ERBB4: variants seen among roughly 807,000 people sequenced by gnomAD.
ERBB4 encodes receptor tyrosine-protein kinase erbB-4.
ERBB4 carries 42 observed loss-of-function variants against 158.0 expected under a neutral mutation model. The ratio of observed to expected loss-of-function variants is 0.27; its 90% confidence interval spans 0.21 to 0.34. The LOEUF is 0.34. Among genes scored for constraint, ERBB4 ranks in the 10% least tolerant of loss-of-function variants. The probability of loss-of-function intolerance (pLI) is 1.00; values close to 1 mark genes in which losing one functional copy is unlikely to be tolerated. For synonymous variants in ERBB4, 583 were observed against 558.7 expected, an observed-to-expected ratio of 1.04 and a Z score of -0.61; for missense variants, 1,333 against 1,624.1, an observed-to-expected ratio of 0.82 and a Z score of 3.08.
At chr2:212,095,086 A>G (rs1407892231) in intron 2 of ERBB4, among the ~76,000 whole-genome samples, 1 of 152,166 alleles carries the variant, frequency 6.6e-6, no homozygotes, top group Non-Finnish European at 1.5e-5. Context: ...AGCACTCACA[A>G]TGCCTTACAC....
chr2:212,123,947 T>C (rs2079838822), intron 2 of ERBB4, among the ~76,000 whole-genome samples: 1 of 152,196 alleles, frequency 6.6e-6, no homozygotes, highest in Non-Finnish European at 1.5e-5. Context: ...GAAGCTATTA[T>C]TTAAAATGTA....
At chr2:212,259,492 AACAAGGAC>A (rs201259347) in intron 1 of ERBB4, among the ~76,000 whole-genome samples, 1,612 of 152,326 alleles carry the variant, frequency 0.011, 10 homozygotes, top group Non-Finnish European at 0.017. Flanking sequence ...GGTAAGAAGA[AACAAGGAC>A]ACAAGTACGG....
rs555684917 is a variant in ERBB4, at chr2:212,236,430, C to A, written c.83-111527G>T. 1.3e-4 allele frequency among the ~76,000 whole-genome samples: 20 copies of A among 152,164 alleles called. No homozygotes were observed. The East Asian group carries it at 3.9e-3, about 29-fold the overall frequency. On this transcript the variant is annotated intron_variant, in intron 1 of 27. Coordinates refer to ENST00000342788, the MANE Select transcript of ERBB4 (RefSeq NM_005235.3). Reference sequence around the variant, plus strand: ...TGGGATAGTGGCCTGAAATTTTCTTCTTTTGTGGTGTCTCTGCCAAGTTTT... The same window carrying A: ...TGGGATAGTGGCCTGAAATTTTCTTATTTTGTGGTGTCTCTGCCAAGTTTT...
intron 2 of ERBB4, among the ~76,000 whole-genome samples, chr2:212,087,939 G>A (rs2078665060): frequency 6.6e-6 from 1 of 152,104 alleles, no homozygotes. Flanking sequence ...TAGAACTGTT[G>A]TGAGAGTCAA....
At chr2:211,807,347 A>G (rs1322302282) in intron 3 of ERBB4, among the ~76,000 whole-genome samples, 3 of 152,060 alleles carry the variant, frequency 2.0e-5, no homozygotes, top group Non-Finnish European at 4.4e-5. Flanking sequence ...GCTGTGCCCA[A>G]GTGTTCTCAT....
intron 1 of ERBB4, among the ~76,000 whole-genome samples, chr2:212,177,959 A>AGTGTGTGTGT (rs5838302): frequency 2.7e-5 from 4 of 149,402 alleles, no homozygotes; most frequent in Non-Finnish European, 6.0e-5. Context: ...TGTGAGTGTG[A>AGTGTGTGTGT]GTGTGTGTGT....
chr2:211,980,219 A>T (rs1440807189), intron 2 of ERBB4, among the ~76,000 whole-genome samples: 1 of 152,208 alleles, frequency 6.6e-6, no homozygotes, highest in African/African-American at 2.4e-5. Flanking sequence ...GAATTAGTAC[A>T]AAGTGGAGTA....
chr2:212,231,841 C>T (rs1261132009), intron 1 of ERBB4, among the ~76,000 whole-genome samples: 1 of 152,092 alleles, frequency 6.6e-6, no homozygotes, highest in African/African-American at 2.4e-5. Context: ...TTCTACTAAC[C>T]TTTTTCTTCA....
At chr2:211,446,855 C>T (rs770056673) in intron 20 of ERBB4, among the ~76,000 whole-genome samples, 33 of 152,066 alleles carry the variant, frequency 2.2e-4, no homozygotes, top group South Asian at 8.3e-4. Context: ...ATTCCTTCTA[C>T]GCTTTTAGTT....
At position 211,947,604 on chromosome 2, in the gene ERBB4, C is replaced by T. The variant is rs768898089; in HGVS notation, c.247G>A (p.Val83Ile). ...DLSFLRSVREVTGYVLVALNQ... is the reference protein window; with the variant it reads ...DLSFLRSVREITGYVLVALNQ... ...AGAGCCACTAACACGTAGCCTGTGA[C>T]TTCTCGAACAGACTGAAAAGACACA... Residue 83 changes from valine (V) to isoleucine (I), a missense_variant, in exon 3 of 28, where the codon GTC (valine) becomes ATC (isoleucine). Transcript: ENST00000342788. The T allele has an allele frequency of 1.2e-6, 2 of 1,613,354 alleles. No homozygotes were observed. The highest frequency in any genetic ancestry group is 1.1e-5 in the South Asian group (1 of 91,002).
intron 19 of ERBB4, among the ~76,000 whole-genome samples, chr2:211,600,934 T>C (rs770446147): frequency 7.2e-5 from 11 of 151,930 alleles, no homozygotes; most frequent in Non-Finnish European, 1.3e-4. Flanking sequence ...AAACAAATGG[T>C]CACACACCTG....
intron 2 of ERBB4, among the ~76,000 whole-genome samples, chr2:212,095,982 T>C (rs1177435798): frequency 1.3e-5 from 2 of 148,590 alleles, no homozygotes; most frequent in South Asian, 2.2e-4. Context: ...GTAAGTTTTA[T>C]ATATAATGGG....
chr2:212,290,759 A>G (rs1168979727), intron 1 of ERBB4, among the ~76,000 whole-genome samples: 1 of 152,124 alleles, frequency 6.6e-6, no homozygotes, highest in Non-Finnish European at 1.5e-5. Flanking sequence ...AAAAGAAAAT[A>G]TGTGACATTC....
chr2:212,005,429 C>G (rs1252753451), intron 2 of ERBB4, among the ~76,000 whole-genome samples: 1 of 151,990 alleles, frequency 6.6e-6, no homozygotes, highest in Non-Finnish European at 1.5e-5. Context: ...TCCACATGGT[C>G]AAAGAAAGGA....
chr2:211,677,961 G>C (rs2105953852), intron 13 of ERBB4, among the ~76,000 whole-genome samples: 1 of 152,172 alleles, frequency 6.6e-6, no homozygotes, highest in South Asian at 2.1e-4. Context: ...CTTAGGAGCA[G>C]TACTAAAAAT....
chr2:212,066,021 G>C (rs2077937129), intron 2 of ERBB4, among the ~76,000 whole-genome samples: 1 of 151,918 alleles, frequency 6.6e-6, no homozygotes, highest in South Asian at 2.1e-4. Flanking sequence ...GCCAGAAAAA[G>C]AATCTTATTG....
At chr2:212,111,205 T>C (rs1327952321) in intron 2 of ERBB4, among the ~76,000 whole-genome samples, 35 of 152,204 alleles carry the variant, frequency 2.3e-4, no homozygotes, top group Non-Finnish European at 1.5e-5. Context: ...ACACCCTTTA[T>C]ATGCAGTTAG....
chr2:211,830,102 T>C (rs1296480993), intron 3 of ERBB4, among the ~76,000 whole-genome samples: 1 of 152,206 alleles, frequency 6.6e-6, no homozygotes, highest in Non-Finnish European at 1.5e-5. Flanking sequence ...CTGCTCTGAA[T>C]TTGTTATTCT....
At chr2:212,004,817 CAT>C (rs919531184) in intron 2 of ERBB4, among the ~76,000 whole-genome samples, 1 of 151,736 alleles carries the variant, frequency 6.6e-6, no homozygotes, top group African/African-American at 2.4e-5. Context: ...GCCTAACTTA[CAT>C]ATATATATTG....
Sources: gnomAD v4.1 joint callset for allele counts (sites outside exome capture counted in the v4.1 genomes callset) on GRCh38, gnomAD v4.1.1 for gene constraint, MANE v1.5 for transcripts, NCBI Gene and HGNC (gene_info 2026-07-23, HGNC 2026-07-21) for gene names.